The following PCDH7 variants were observed in gnomAD, a reference collection of about 807,000 sequenced individuals.
The protein encoded by PCDH7 is protocadherin-7.
In PCDH7, 17 loss-of-function variants were observed where a neutral mutation model predicts 58.9. The observed-to-expected ratio is 0.29, with a 90% CI of 0.20 to 0.43. PCDH7 has a LOEUF of 0.43. PCDH7 is among the 20% of genes least tolerant of loss of function. The pLI is 1.00. For missense variants in PCDH7, 1,274 were observed against 1,441.0 expected, an observed-to-expected ratio of 0.88 and a Z score of 1.88; for synonymous variants, 664 against 616.4, an observed-to-expected ratio of 1.08 and a Z score of -1.14.
intron 1 of PCDH7, among the ~76,000 whole-genome samples, chr4:30,881,765 G>C (rs935930494): frequency 3.3e-5 from 5 of 152,086 alleles, no homozygotes; most frequent in African/African-American, 9.7e-5. Flanking sequence ...TGACTTGCAG[G>C]TTCCACCTTC....
intron 1 of PCDH7, among the ~76,000 whole-genome samples, chr4:30,809,159 T>G (rs375252427): frequency 1.1e-3 from 169 of 152,350 alleles, no homozygotes; most frequent in African/African-American, 3.9e-3. Flanking sequence ...GACATAGCTA[T>G]GTAGCTCATA....
At chr4:30,889,956 T>C (rs1425641060) in intron 1 of PCDH7, among the ~76,000 whole-genome samples, 1 of 152,144 alleles carries the variant, frequency 6.6e-6, no homozygotes, top group African/African-American at 2.4e-5. Flanking sequence ...GGCAGACAAA[T>C]ACATAATTAA....
chr4:30,900,839 G>T (rs1372234407), intron 1 of PCDH7, among the ~76,000 whole-genome samples: 1 of 152,080 alleles, frequency 6.6e-6, no homozygotes. Flanking sequence ...GTCAGGAATG[G>T]CACTCTATAT....
At chr4:31,092,703 A>G (rs28415447) in intron 3 of PCDH7, among the ~76,000 whole-genome samples, 44,844 of 151,888 alleles carry the variant, frequency 0.3, 10,011 homozygotes, top group East Asian at 0.74. Context: ...CATTTTATAA[A>G]TCGGTTGAAT....
At chr4:30,937,194 T>G (rs1212297283) in intron 2 of PCDH7, among the ~76,000 whole-genome samples, 1 of 152,220 alleles carries the variant, frequency 6.6e-6, no homozygotes. Flanking sequence ...TTAATACTTC[T>G]AATATTCTCA....
At chr4:30,913,486 C>T (rs1169404927) in intron 1 of PCDH7, among the ~76,000 whole-genome samples, 2 of 151,860 alleles carry the variant, frequency 1.3e-5, no homozygotes, top group East Asian at 1.9e-4. Context: ...GTGTGGAGAG[C>T]GGGATAGAAT....
At chr4:30,798,024 A>T (rs993178264) in intron 1 of PCDH7, among the ~76,000 whole-genome samples, 1 of 152,198 alleles carries the variant, frequency 6.6e-6, no homozygotes, top group African/African-American at 2.4e-5. Context: ...ATATTGCTGG[A>T]ATTCAGTTGT....
chr4:30,852,678 A>G (rs961473992), intron 1 of PCDH7, among the ~76,000 whole-genome samples: 2 of 151,872 alleles, frequency 1.3e-5, no homozygotes, highest in African/African-American at 4.8e-5. Context: ...CTCTTATTTA[A>G]TAATATTGTG....
At chr4:30,952,227 T>C (rs1747431856) in intron 3 of PCDH7, among the ~76,000 whole-genome samples, 1 of 152,120 alleles carries the variant, frequency 6.6e-6, no homozygotes, top group Admixed American at 6.5e-5. Context: ...TCAAATCCTG[T>C]AACATTTATC....
chr4:30,839,552 C>G (rs2109337178), intron 1 of PCDH7, among the ~76,000 whole-genome samples: 1 of 152,120 alleles, frequency 6.6e-6, no homozygotes, highest in Non-Finnish European at 1.5e-5. Flanking sequence ...TGCCATAGAA[C>G]CTGTGATGAG....
chr4:30,904,816 G>T (rs73812671), intron 1 of PCDH7, among the ~76,000 whole-genome samples: 1 of 152,230 alleles, frequency 6.6e-6, no homozygotes, highest in East Asian at 1.9e-4. Context: ...GTAGTAAAAG[G>T]TTTGGGTGCC....
intron 3 of PCDH7, among the ~76,000 whole-genome samples, chr4:31,118,723 G>C (rs1717293116): frequency 6.6e-6 from 1 of 152,070 alleles, no homozygotes; most frequent in Non-Finnish European, 1.5e-5. Flanking sequence ...AACCAATAGT[G>C]ATACTTATGT....
chr4:30,982,258 A>C (rs1394318198), intron 3 of PCDH7, among the ~76,000 whole-genome samples: 1 of 152,160 alleles, frequency 6.6e-6, no homozygotes, highest in Non-Finnish European at 1.5e-5. Context: ...GGGGAGTGTG[A>C]AGGGAAAAAG....
At chr4:30,975,614 A>G (rs1052023659) in intron 3 of PCDH7, among the ~76,000 whole-genome samples, 1 of 152,212 alleles carries the variant, frequency 6.6e-6, no homozygotes, top group Non-Finnish European at 1.5e-5. Flanking sequence ...TTTACTTGTT[A>G]CATGTATTCA....
At chr4:30,953,569 A>G (rs1747568419) in intron 3 of PCDH7, among the ~76,000 whole-genome samples, 4 of 146,708 alleles carry the variant, frequency 2.7e-5, no homozygotes, top group South Asian at 2.1e-4. Flanking sequence ...ACCTTCAAGG[A>G]AAAAAAAAAA....
At chr4:31,074,178 T>C (rs993508530) in intron 3 of PCDH7, among the ~76,000 whole-genome samples, 3 of 151,694 alleles carry the variant, frequency 2.0e-5, no homozygotes, top group African/African-American at 7.3e-5. Context: ...ACTCCTCTTA[T>C]CTGAAATCAT....
At chr4:31,025,428 G>A (rs1448804783) in intron 3 of PCDH7, among the ~76,000 whole-genome samples, 1 of 152,102 alleles carries the variant, frequency 6.6e-6, no homozygotes, top group Non-Finnish European at 1.5e-5. Flanking sequence ...AGTATTTGGA[G>A]GATTCTCGTT....
intron 1 of PCDH7, among the ~76,000 whole-genome samples, chr4:30,869,978 A>G (rs1461952504): frequency 1.3e-5 from 2 of 152,182 alleles, no homozygotes; most frequent in Non-Finnish European, 2.9e-5. Context: ...TCGCCATTCT[A>G]ACTGGTGTGA....
chr4:31,027,433 A>T (rs1003193401), intron 3 of PCDH7, among the ~76,000 whole-genome samples: 3 of 151,912 alleles, frequency 2.0e-5, no homozygotes, highest in Non-Finnish European at 4.4e-5. Flanking sequence ...ATTTTATTTT[A>T]TTTTATTTGA....
Sources: gnomAD v4.1 joint callset for allele counts (sites outside exome capture counted in the v4.1 genomes callset) on GRCh38, gnomAD v4.1.1 for gene constraint, MANE v1.5 for transcripts, NCBI Gene and HGNC (gene_info 2026-07-23, HGNC 2026-07-21) for gene names.